CNTN5: variants seen among roughly 807,000 people sequenced by gnomAD.
The protein encoded by CNTN5 is contactin-5.
A neutral mutation model predicts 129.1 loss-of-function variants in CNTN5; 77 were observed. The observed-to-expected ratio is 0.60, with a 90% confidence interval of 0.50 to 0.72. The LOEUF is 0.72. Ranked by LOEUF, CNTN5 falls within the 30% of genes least tolerant of loss-of-function variation. The probability of loss-of-function intolerance (pLI) is 0.00; values close to 1 mark genes in which losing one functional copy is unlikely to be tolerated. For synonymous variants in CNTN5, 509 were observed against 465.6 expected (o/e 1.09, Z -1.20); for missense variants, 1,478 against 1,328.8 (o/e 1.11, Z -1.75).
At chr11:99,689,920 G>T (rs1003303783) in intron 3 of CNTN5, among the ~76,000 whole-genome samples, 12 of 152,090 alleles carry the variant, frequency 7.9e-5, no homozygotes, top group African/African-American at 2.4e-4. Context: ...CTGTCCAGAA[G>T]ATCTTTAGTT....
intron 18 of CNTN5, among the ~76,000 whole-genome samples, chr11:100,282,404 C>T (rs1247442247): frequency 6.6e-6 from 1 of 152,328 alleles, no homozygotes; most frequent in Non-Finnish European, 1.5e-5. Flanking sequence ...CAGGCAGAGA[C>T]TCTTGTTCTC....
intron 3 of CNTN5, among the ~76,000 whole-genome samples, chr11:99,587,914 C>A (rs1219844741): frequency 6.6e-6 from 1 of 152,074 alleles, no homozygotes; most frequent in Non-Finnish European, 1.5e-5. Context: ...TTTTTATTTT[C>A]TTGGAGCTGA....
rs1188950752 is a variant in CNTN5 at position 99,672,996 on chromosome 11, C to G, written c.55+116727C>G. 2.0e-5 allele frequency among the ~76,000 whole-genome samples: 3 copies of G among 152,190 alleles called. No homozygotes were observed. The South Asian group carries it at 6.2e-4, about 32-fold the overall frequency. On this transcript the variant is annotated intron_variant, in intron 3 of 24. Coordinates refer to ENST00000524871, the MANE Select transcript of CNTN5 (RefSeq NM_014361.4). ...GGTGTTTCATGGTGGGACACATTCTCTTAGGTTAGGCTACTCAGGGAGCCT... is the reference window on the plus strand; with the variant it reads ...GGTGTTTCATGGTGGGACACATTCTGTTAGGTTAGGCTACTCAGGGAGCCT...
chr11:100,290,338 A>G (rs1311106027), intron 18 of CNTN5, among the ~76,000 whole-genome samples: 2 of 152,008 alleles, frequency 1.3e-5, no homozygotes, highest in East Asian at 3.9e-4. Flanking sequence ...GAGGCATCAC[A>G]CTACCTGACT....
intron 1 of CNTN5, among the ~76,000 whole-genome samples, chr11:99,220,880 T>G: frequency 6.7e-6 from 1 of 150,198 alleles, no homozygotes; most frequent in South Asian, 2.1e-4. Context: ...AACAATGATT[T>G]AAAAAAAAAA....
intron 3 of CNTN5, among the ~76,000 whole-genome samples, chr11:99,640,347 A>T (rs553678904): frequency 6.6e-6 from 1 of 152,342 alleles, no homozygotes; most frequent in East Asian, 1.9e-4. Context: ...ATAGTTCCAT[A>T]TGCCTGGCAA....
At chr11:99,988,960 G>C (rs1362351470) in intron 8 of CNTN5, among the ~76,000 whole-genome samples, 1 of 151,818 alleles carries the variant, frequency 6.6e-6, no homozygotes, top group East Asian at 1.9e-4. Context: ...TCAGTTTTTT[G>C]TTTGTTTGTT....
At chr11:99,254,869 TA>T (rs1174849973) in intron 1 of CNTN5, among the ~76,000 whole-genome samples, 3 of 151,902 alleles carry the variant, frequency 2.0e-5, no homozygotes, top group African/African-American at 7.2e-5. Context: ...TGAAAATAAT[TA>T]AAAAGCAGGA....
chr11:99,799,820 G>A (rs1400006772), intron 3 of CNTN5, among the ~76,000 whole-genome samples: 1 of 151,944 alleles, frequency 6.6e-6, no homozygotes, highest in African/African-American at 2.4e-5. Flanking sequence ...GGGTAGAATT[G>A]GTACCAGCTC....
intron 2 of CNTN5, among the ~76,000 whole-genome samples, chr11:99,357,315 C>CAAT (rs1938747101): frequency 6.6e-6 from 1 of 152,078 alleles, no homozygotes; most frequent in Non-Finnish European, 1.5e-5. Context: ...ACCTGAGATC[C>CAAT]AATAGTTATT....
At chr11:99,225,247 C>T (rs1285364457) in intron 1 of CNTN5, among the ~76,000 whole-genome samples, 1 of 151,980 alleles carries the variant, frequency 6.6e-6, no homozygotes. Context: ...AGGATGAGAT[C>T]GTGGCCCTCC....
At chr11:99,922,971 A>G (rs17134688) in intron 7 of CNTN5, among the ~76,000 whole-genome samples, 9,557 of 152,268 alleles carry the variant, frequency 0.063, 573 homozygotes, top group East Asian at 0.27. Context: ...ACATTCATGT[A>G]TTGCTATTTC....
At chr11:99,572,776 A>C (rs2135581742) in intron 3 of CNTN5, among the ~76,000 whole-genome samples, 1 of 147,512 alleles carries the variant, frequency 6.8e-6, no homozygotes, top group Non-Finnish European at 1.5e-5. Flanking sequence ...TTTAAAAAAT[A>C]GATTATCAAA....
intron 1 of CNTN5, among the ~76,000 whole-genome samples, chr11:99,288,636 T>C (rs921328325): frequency 3.9e-5 from 6 of 152,038 alleles, no homozygotes; most frequent in African/African-American, 1.4e-4. Flanking sequence ...TAGTGTAATG[T>C]CATTTCTGAG....
intron 3 of CNTN5, among the ~76,000 whole-genome samples, chr11:99,577,978 C>A (rs943583038): frequency 7.6e-6 from 1 of 131,090 alleles, no homozygotes; most frequent in Non-Finnish European, 1.6e-5. Context: ...TCCCTCCCCC[C>A]TCCCCCCACC....
intron 6 of CNTN5, among the ~76,000 whole-genome samples, chr11:99,897,541 AC>A (rs1949239616): frequency 6.6e-6 from 1 of 152,148 alleles, no homozygotes; most frequent in Non-Finnish European, 1.5e-5. Context: ...TTATATTACT[AC>A]AAACTAAGCT....
chr11:99,859,091 T>A (rs1242852098), intron 6 of CNTN5, among the ~76,000 whole-genome samples: 1 of 152,176 alleles, frequency 6.6e-6, no homozygotes, highest in African/African-American at 2.4e-5. Context: ...TGTGTCTAGA[T>A]CTCTTAAGAA....
At chr11:99,978,975 A>G (rs1052892178) in intron 8 of CNTN5, among the ~76,000 whole-genome samples, 3 of 152,186 alleles carry the variant, frequency 2.0e-5, no homozygotes. Flanking sequence ...TTGCTATCCC[A>G]GTTCTGCCCC....
Position 99,812,157 on chromosome 11 carries a change from G to A in CNTN5, c.56-7387G>A, listed in dbSNP as rs376208229. ...GAAAAGATGGGTACATGTTGCTCTA[G>A]CCAATAGAATCACAAGAATATATAC... On this transcript the variant is annotated intron_variant, in intron 3 of 24. Coordinates refer to ENST00000524871, the MANE Select transcript of CNTN5 (RefSeq NM_014361.4). Among the ~76,000 whole-genome samples, 16 of 152,238 alleles carry A rather than the reference G, an allele frequency of 1.1e-4. No homozygotes were observed. The South Asian group carries it at 1.9e-3, about 18-fold the overall frequency.
Sources: allele counts gnomAD v4.1 joint callset (sites outside exome capture counted in the v4.1 genomes callset), GRCh38; gene constraint gnomAD v4.1.1; transcripts MANE v1.5; gene names NCBI Gene and HGNC (gene_info 2026-07-23, HGNC 2026-07-21).